Variants in TASP1 observed in about 807,000 individuals in gnomAD.
TASP1 encodes taspase 1, also known as threonine aspartase 1.
Under a neutral mutation model 56.6 loss-of-function variants are expected in TASP1, and 16 were observed. The ratio of observed to expected loss-of-function variants is 0.28; its 90% CI spans 0.19 to 0.43. TASP1 has a LOEUF of 0.43. TASP1 is among the 20% of genes least tolerant of loss of function. The pLI is 1.00. For missense variants in TASP1, 393 were observed against 511.6 expected (o/e 0.77, Z 2.24); for synonymous variants, 179 against 184.2 (o/e 0.97, Z 0.23).
At chr20:13,625,562 C>G (rs1239022309) in intron 2 of TASP1, among the ~76,000 whole-genome samples, 1 of 152,196 alleles carries the variant, frequency 6.6e-6, no homozygotes, top group Admixed American at 6.6e-5. Flanking sequence ...TTTTGATCTG[C>G]AGCTAATAAC....
the TASP1 span, among the ~76,000 whole-genome samples, chr20:13,378,444 T>C: frequency 6.7e-6 from 1 of 149,112 alleles, no homozygotes; most frequent in African/African-American, 2.6e-5. Context: ...AGAGACTGTT[T>C]GTTATGATTT....
intron 11 of TASP1, among the ~76,000 whole-genome samples, chr20:13,475,954 C>T (rs576863482): frequency 6.6e-6 from 1 of 151,478 alleles, no homozygotes; most frequent in South Asian, 2.1e-4. Context: ...CCCGTCTCTA[C>T]TAAAAATACA....
At chr20:13,131,680 A>G in the TASP1 span, among the ~76,000 whole-genome samples, 1 of 152,064 alleles carries the variant, frequency 6.6e-6, no homozygotes, top group Non-Finnish European at 1.5e-5. Flanking sequence ...CACTCTCTCT[A>G]TCACCTCTCA....
At chr20:13,219,599 C>CAA in the TASP1 span, among the ~76,000 whole-genome samples, 4 of 149,612 alleles carry the variant, frequency 2.7e-5, no homozygotes, top group African/African-American at 9.8e-5. Flanking sequence ...GTTCCCCACC[C>CAA]AAAAAAAAAT....
chr20:13,248,050 T>C, the TASP1 span, among the ~76,000 whole-genome samples: 4 of 152,156 alleles, frequency 2.6e-5, no homozygotes, highest in Non-Finnish European at 5.9e-5. Context: ...ATTTTCCAAG[T>C]TCCAGGTGGG....
the TASP1 span, among the ~76,000 whole-genome samples, chr20:13,273,289 C>T: frequency 9.7e-6 from 1 of 103,228 alleles, no homozygotes; most frequent in Admixed American, 1.0e-4. Context: ...TGCTACGGTA[C>T]AGTTGTGCAA....
the TASP1 span, among the ~76,000 whole-genome samples, chr20:13,224,073 G>A: frequency 9.9e-5 from 15 of 152,118 alleles, no homozygotes; most frequent in South Asian, 2.5e-3. Flanking sequence ...CAACAAATGG[G>A]GGATTTAGAA....
intron 8 of TASP1, among the ~76,000 whole-genome samples, chr20:13,548,400 A>G (rs982113023): frequency 6.6e-6 from 1 of 152,134 alleles, no homozygotes; most frequent in Non-Finnish European, 1.5e-5. Context: ...AAAATGTGTA[A>G]TAGGCAGGAG....
chr20:13,115,363 T>A, the TASP1 span, among the ~76,000 whole-genome samples: 2 of 152,156 alleles, frequency 1.3e-5, no homozygotes, highest in African/African-American at 4.8e-5. Context: ...GTCATTAATC[T>A]TAGAGGAAGA....
the TASP1 span, among the ~76,000 whole-genome samples, chr20:13,231,093 T>C: frequency 1.3e-5 from 2 of 152,186 alleles, no homozygotes; most frequent in Non-Finnish European, 2.9e-5. Context: ...GTTCTTTGTC[T>C]CAGGGCCTGC....
At chr20:13,110,153 T>G in the TASP1 span, 1 of 1,613,716 alleles carries the variant, frequency 6.2e-7, no homozygotes, top group Admixed American at 1.7e-5. Flanking sequence ...TGCTGTCATC[T>G]ATGGCCAGCC....
chr20:13,272,235 C>A, the TASP1 span, among the ~76,000 whole-genome samples: 56 of 152,314 alleles, frequency 3.7e-4, no homozygotes, highest in African/African-American at 1.3e-3. Context: ...GCCTCTCTCT[C>A]CACAGACTAA....
chr20:13,338,481 C>T, the TASP1 span, among the ~76,000 whole-genome samples: 1 of 152,154 alleles, frequency 6.6e-6, no homozygotes, highest in Non-Finnish European at 1.5e-5. Context: ...GGGAATGCAG[C>T]CCAGTAGGTC....
At chr20:13,229,251 C>T in the TASP1 span, among the ~76,000 whole-genome samples, 1 of 151,950 alleles carries the variant, frequency 6.6e-6, no homozygotes, top group Non-Finnish European at 1.5e-5. Flanking sequence ...GTTGTATATG[C>T]CTATATAGTT....
At chr20:13,479,165 G>C (rs138706792) in intron 11 of TASP1, among the ~76,000 whole-genome samples, 199 of 152,200 alleles carry the variant, frequency 1.3e-3, no homozygotes, top group African/African-American at 4.1e-3. Flanking sequence ...CAGGAGAAAT[G>C]AGACTCAGAA....
the TASP1 span, among the ~76,000 whole-genome samples, chr20:13,275,469 C>G: frequency 6.6e-6 from 1 of 152,212 alleles, no homozygotes; most frequent in African/African-American, 2.4e-5. Flanking sequence ...CTCAGATTCT[C>G]ATGGGGTACT....
At chr20:13,336,460 G>A in the TASP1 span, among the ~76,000 whole-genome samples, 1 of 152,102 alleles carries the variant, frequency 6.6e-6, no homozygotes, top group Non-Finnish European at 1.5e-5. Flanking sequence ...TGTGCCCGCA[G>A]TGGAAGAATT....
chr20:13,461,193 C>A (rs2044038882), intron 11 of TASP1, among the ~76,000 whole-genome samples: 1 of 152,146 alleles, frequency 6.6e-6, no homozygotes, highest in African/African-American at 2.4e-5. Context: ...TGGATTTCTG[C>A]TCAAATGTCA....
At chr20:13,415,660 AG>A (rs2042230964) in intron 13 of TASP1, among the ~76,000 whole-genome samples, 1 of 151,968 alleles carries the variant, frequency 6.6e-6, no homozygotes, top group African/African-American at 2.4e-5. Flanking sequence ...ATATAACTGG[AG>A]GCCAAATATC....
Sources: gnomAD v4.1 joint callset for allele counts (sites outside exome capture counted in the v4.1 genomes callset) on GRCh38, gnomAD v4.1.1 for gene constraint, MANE v1.5 for transcripts, NCBI Gene and HGNC (gene_info 2026-07-23, HGNC 2026-07-21) for gene names.